The following MYLK4 variants were observed in gnomAD, a reference collection of about 807,000 sequenced individuals.
MYLK4 encodes the protein myosin light chain kinase family member 4, also known as caMLCK like.
In MYLK4, 46 loss-of-function variants were observed where a neutral mutation model predicts 48.1. That is an observed-to-expected ratio of 0.96 (90% CI 0.75 to 1.22). MYLK4 has a LOEUF of 1.22. Among genes scored for constraint, MYLK4 ranks in the 50% most tolerant of loss-of-function variants. MYLK4 has a pLI of 0.00. For missense variants in MYLK4, 451 were observed against 486.1 expected, an observed-to-expected ratio of 0.93 and a Z score of 0.68; for synonymous variants, 170 against 180.8, an observed-to-expected ratio of 0.94 and a Z score of 0.48.
the MYLK4 span, among the ~76,000 whole-genome samples, chr6:2,767,658 A>C: frequency 6.6e-6 from 1 of 152,232 alleles, no homozygotes; most frequent in African/African-American, 2.4e-5. Context: ...TATCATTCTT[A>C]GTAATTGTGA....
intron 2 of MYLK4, among the ~76,000 whole-genome samples, chr6:2,697,392 T>C (rs575182030): frequency 6.6e-6 from 1 of 152,368 alleles, no homozygotes; most frequent in South Asian, 2.1e-4. Flanking sequence ...GTTTTGATTA[T>C]TTAAGCAATT....
At chr6:2,719,242 C>T (rs1762977775) in intron 2 of MYLK4, among the ~76,000 whole-genome samples, 1 of 152,198 alleles carries the variant, frequency 6.6e-6, no homozygotes, top group South Asian at 2.1e-4. Flanking sequence ...CAGCTTCACT[C>T]ATAAAGACCA....
intron 8 of MYLK4, among the ~76,000 whole-genome samples, 200 bp downstream of exon 8, chr6:2,680,021 A>C (rs957369072): frequency 6.6e-6 from 1 of 152,218 alleles, no homozygotes; most frequent in African/African-American, 2.4e-5. Flanking sequence ...AATTTTTTAT[A>C]CTTTTTACTG....
Position 2,711,896 on chromosome 6 carries a change from A to G in MYLK4, c.160-19037T>C, listed in dbSNP as rs141057410. Among the ~76,000 whole-genome samples, 434 of 152,322 alleles carry G rather than the reference A, an allele frequency of 2.8e-3. 6 individuals are homozygous for G. The highest frequency in any genetic ancestry group is 6.8e-3 in the Middle Eastern group (2 of 292). On this transcript the variant is annotated intron_variant, in intron 2 of 12. Coordinates refer to ENST00000274643, the MANE Select transcript of MYLK4 (RefSeq NM_001012418.5). ...CAAATGATAAATGTTTTTCAAAATAACTAAAGCTCTTTCCTCCAACCATGA... is the reference window on the plus strand; with the variant it reads ...CAAATGATAAATGTTTTTCAAAATAGCTAAAGCTCTTTCCTCCAACCATGA...
chr6:2,725,589 A>AAG (rs370777783), intron 2 of MYLK4, among the ~76,000 whole-genome samples: 37,443 of 144,558 alleles, frequency 0.26, 4,944 homozygotes, highest in Middle Eastern at 0.3. Flanking sequence ...AAGAAAGAGA[A>AAG]AGAAAGAAAG....
chr6:2,669,082 AC>A (rs989592363), intron 12 of MYLK4, among the ~76,000 whole-genome samples: 2 of 151,480 alleles, frequency 1.3e-5, no homozygotes, highest in African/African-American at 4.8e-5. Flanking sequence ...TAAAAAAAAA[AC>A]AAAAACAAAA....
chr6:2,713,956 C>T (rs753622608), intron 2 of MYLK4, among the ~76,000 whole-genome samples: 10 of 152,200 alleles, frequency 6.6e-5, no homozygotes, highest in Non-Finnish European at 1.2e-4. Context: ...AATGAGATAA[C>T]ACCTTATACC....
chr6:2,768,017 A>G, the MYLK4 span, among the ~76,000 whole-genome samples: 3 of 152,196 alleles, frequency 2.0e-5, no homozygotes, highest in African/African-American at 4.8e-5. Context: ...ATCCTTTAGT[A>G]CTAATAACAA....
chr6:2,722,826 A>C (rs1331319364), intron 2 of MYLK4, among the ~76,000 whole-genome samples: 1 of 152,166 alleles, frequency 6.6e-6, no homozygotes, highest in Non-Finnish European at 1.5e-5. Context: ...CGAATATAAA[A>C]ATACAAAGAT....
At position 2,672,051 on chromosome 6, in the gene MYLK4, G is replaced by T. The variant is rs773866351; in HGVS notation, c.1120-703C>A. Reference sequence around the variant, plus strand: ...AATGATTTGATAGATTAGGGAAGAGGGTGAGTAGAGGTTGGATATCAGCTC... The same window carrying T: ...AATGATTTGATAGATTAGGGAAGAGTGTGAGTAGAGGTTGGATATCAGCTC... On this transcript the variant is annotated intron_variant, in intron 11 of 12. Coordinates refer to ENST00000274643, the MANE Select transcript of MYLK4 (RefSeq NM_001012418.5). The surrounding 1 kb of genome is among the most constrained non-coding windows in gnomAD (Gnocchi z 4.3). Among the ~76,000 whole-genome samples, 4 of 152,134 alleles carry T rather than the reference G, an allele frequency of 2.6e-5. No homozygotes were observed. Among genetic ancestry groups the T allele is most frequent in the Non-Finnish European group, 4.4e-5 (3 of 68,034 alleles).
At chr6:2,713,458 T>C (rs1489365191) in intron 2 of MYLK4, among the ~76,000 whole-genome samples, 2 of 152,210 alleles carry the variant, frequency 1.3e-5, no homozygotes, top group Non-Finnish European at 2.9e-5. Context: ...CATTTTCAAG[T>C]TCTGCACAAA....
the MYLK4 span, chr6:2,765,635 G>T: frequency 6.5e-7 from 1 of 1,537,250 alleles, no homozygotes; most frequent in South Asian, 1.2e-5. Flanking sequence ...GGAGGTGAGC[G>T]GGCCGGAAGA....
intron 2 of MYLK4, among the ~76,000 whole-genome samples, chr6:2,736,142 G>A (rs1045141034): frequency 3.3e-5 from 5 of 152,200 alleles, no homozygotes; most frequent in Admixed American, 6.5e-5. Flanking sequence ...AAGGTCAGAA[G>A]TCAAATAAAT....
intron 4 of MYLK4, among the ~76,000 whole-genome samples, chr6:2,686,274 T>C (rs962832177): frequency 2.6e-5 from 4 of 152,188 alleles, no homozygotes; most frequent in Non-Finnish European, 4.4e-5. Context: ...CATATGAATG[T>C]TATGAGCTGG....
chr6:2,767,512 G>C, the MYLK4 span, among the ~76,000 whole-genome samples: 2 of 152,256 alleles, frequency 1.3e-5, no homozygotes, highest in African/African-American at 4.8e-5. Flanking sequence ...GTGCCTTCTT[G>C]TTTGCACTCA....
intron 4 of MYLK4, among the ~76,000 whole-genome samples, chr6:2,687,587 C>T (rs1031589690): frequency 6.6e-6 from 1 of 152,190 alleles, no homozygotes; most frequent in Non-Finnish European, 1.5e-5. Context: ...GCCCAAATAC[C>T]TCAGGCTTCC....
intron 2 of MYLK4, among the ~76,000 whole-genome samples, chr6:2,738,316 G>A (rs1763771420): frequency 6.6e-6 from 1 of 152,194 alleles, no homozygotes; most frequent in Non-Finnish European, 1.5e-5. Context: ...AGAGTACTGA[G>A]CATAGGAAAC....
intron 2 of MYLK4, among the ~76,000 whole-genome samples, chr6:2,721,551 T>C (rs772396908): frequency 8.5e-5 from 13 of 152,192 alleles, no homozygotes; most frequent in African/African-American, 2.7e-4. Context: ...TCTTTTTGTG[T>C]TATAAAAGGT....
intron 2 of MYLK4, among the ~76,000 whole-genome samples, chr6:2,712,242 A>G (rs1762699731): frequency 6.6e-6 from 1 of 152,208 alleles, no homozygotes; most frequent in Admixed American, 6.5e-5. Context: ...TGTGGAGAGA[A>G]GCTATAAATC....
Sources: allele counts gnomAD v4.1 joint callset (sites outside exome capture counted in the v4.1 genomes callset), GRCh38; gene constraint gnomAD v4.1.1; non-coding constraint Gnocchi (gnomAD v3.1); transcripts MANE v1.5; gene names NCBI Gene and HGNC (gene_info 2026-07-23, HGNC 2026-07-21).